The following FBLN1 variants were observed in gnomAD, a reference collection of about 807,000 sequenced individuals.
FBLN1 encodes fibulin 1.
Under a neutral mutation model 89.7 loss-of-function variants are expected in FBLN1, and 34 were observed. The observed-to-expected ratio is 0.38, with a 90% confidence interval of 0.29 to 0.50. The LOEUF (loss-of-function observed/expected upper bound fraction) is 0.50. FBLN1 is among the 20% of genes least tolerant of loss of function. The pLI, the probability that FBLN1 is intolerant of heterozygous loss-of-function variation, is 0.92. For missense variants in FBLN1, 777 were observed against 988.1 expected (o/e 0.79, Z 2.86); for synonymous variants, 393 against 391.3 (o/e 1.00, Z -0.05).
rs736767 is a variant in FBLN1, at chr22:45,563,979, G to T, written c.1698-10532G>T. On this transcript the variant is annotated intron_variant, in intron 14 of 16. Transcript: ENST00000327858. This position sits in a 1 kb window ranked among gnomAD's most constrained non-coding sequence, Gnocchi z 5.7. ...TGAGGATCCTGGCCCTGTGCCGGGGGGAGGCAAAGGACCACACAATACATG... is the reference window on the plus strand; with the variant it reads ...TGAGGATCCTGGCCCTGTGCCGGGGTGAGGCAAAGGACCACACAATACATG... Among the ~76,000 whole-genome samples the T allele has an allele frequency of 6.6e-6, 1 of 152,106 alleles. No individual in the cohort carries two copies. Among genetic ancestry groups the T allele is most frequent in the Non-Finnish European group, 1.5e-5 (1 of 68,014 alleles).
At chr22:45,594,146 G>GCT (rs5845722) in intron 16 of FBLN1, among the ~76,000 whole-genome samples, 45,418 of 152,012 alleles carry the variant, frequency 0.3, 10,148 homozygotes, top group African/African-American at 0.63. Context: ...CCTGGTGGCA[G>GCT]CTCTCATGTT....
At position 45,549,688 on chromosome 22, in the gene FBLN1, G is replaced by A. The variant is rs3788650; in HGVS notation, c.1574-804G>A. ...GCTGGGGAGTGTTGTTTTTGCCACC[G>A]ATGCTCAGGCATTTGGCACCTCTTA... On this transcript the variant is annotated intron_variant, in intron 13 of 16. Coordinates refer to ENST00000327858, the MANE Select transcript of FBLN1 (RefSeq NM_006486.3). This position sits in a 1 kb window ranked among gnomAD's most constrained non-coding sequence, Gnocchi z 5.7. Among the ~76,000 whole-genome samples, 8,698 of 152,182 alleles carry A rather than the reference G, an allele frequency of 0.057. 362 individuals are homozygous for A. Among genetic ancestry groups the A allele is most frequent in the East Asian group, 0.16 (804 of 5,162 alleles).
chr22:45,547,210 G>A lies in FBLN1; in HGVS notation c.1441+6G>A. On this transcript the variant is annotated splice_donor_region_variant and intron_variant, in intron 12 of 16. Transcript: ENST00000327858. The stretch of plus-strand genomic sequence containing the variant: ...GGATGGAGTCACCTGTGAAGGTGCG[G>A]ACGCCCCTGCCTGCTGAGGGGGAAA... The A allele has an allele frequency of 6.2e-7, 1 of 1,613,580 alleles. No individual in the cohort carries two copies. Among genetic ancestry groups the A allele is most frequent in the Non-Finnish European group, 8.5e-7 (1 of 1,179,978 alleles).
At chr22:45,521,184 A>C (rs772540693) in intron 2 of FBLN1, among the ~76,000 whole-genome samples, 7 of 152,218 alleles carry the variant, frequency 4.6e-5, no homozygotes, top group Non-Finnish European at 7.3e-5. Context: ...TAGAAATTTC[A>C]GACATACATT....
rs759003656 is a variant in FBLN1, at chr22:45,580,001, G to A, written c.1972+2893G>A. On this transcript the variant is annotated intron_variant, in intron 16 of 16. Coordinates refer to ENST00000327858, the MANE Select transcript of FBLN1 (RefSeq NM_006486.3). This position sits in a 1 kb window ranked among gnomAD's most constrained non-coding sequence, Gnocchi z 8.6. ...GTTGAACCCTTGCCGGCTCCTTACC[G>A]TTGCTGGGCACCTTCACCCCCGCAT... 6.6e-6 allele frequency among the ~76,000 whole-genome samples: 1 copy of A among 151,992 alleles called. No individual in the cohort carries two copies. The highest frequency in any genetic ancestry group is 1.5e-5 in the Non-Finnish European group (1 of 68,008).
chr22:45,531,281 T>G lies in FBLN1; in HGVS notation c.501T>G (p.Val167=). The G allele has an allele frequency of 6.2e-7, 1 of 1,614,012 alleles. No individual in the cohort carries two copies. Among genetic ancestry groups the G allele is most frequent in the Non-Finnish European group, 8.5e-7 (1 of 1,179,938 alleles). The change falls in exon 5 of 17, where the codon GTT becomes GTG. Residue 167 remains valine (V), a synonymous_variant. Coordinates refer to ENST00000327858, the MANE Select transcript of FBLN1 (RefSeq NM_006486.3). This position sits in a 1 kb window ranked among gnomAD's most constrained non-coding sequence, Gnocchi z 4.9. ...GLQETDKIIE[V]EEEQEDPYLN... ...CCCCCTTAGATAAGATCATTGAGGT[T>G]GAGGAGGAACAAGAGGACCCATATC...
intron 12 of FBLN1, among the ~76,000 whole-genome samples, chr22:45,548,034 G>GGT (rs1236828995): frequency 1.3e-5 from 2 of 152,102 alleles, no homozygotes; most frequent in African/African-American, 2.4e-5. Context: ...TTTCATGTAA[G>GGT]GTGTGTGTGT....
chr22:45,544,545 ATTTGCAAGTTT>A (rs2088601891), intron 11 of FBLN1, among the ~76,000 whole-genome samples: 3 of 152,206 alleles, frequency 2.0e-5, no homozygotes, highest in African/African-American at 7.2e-5. Flanking sequence ...AACCGTTTAC[ATTTGCAAGTTT>A]TTCTAAAGTA....
chr22:45,576,862 T>C lies in FBLN1; in HGVS notation c.1841-115T>C. 7.7e-7 allele frequency: 1 copy of C among 1,300,424 alleles called. No homozygotes were observed. The highest frequency in any genetic ancestry group is 1.1e-6 in the Non-Finnish European group (1 of 922,218). 80.6% of individuals were successfully genotyped at this position (1,300,424 alleles called of 1,614,324 possible). A position where few individuals can be genotyped will look rare whatever the true frequency, so the allele number is the denominator to read the frequency against. On this transcript the variant is annotated intron_variant, in intron 15 of 16. Transcript: ENST00000327858. The surrounding 1 kb of genome is among the most constrained non-coding windows in gnomAD (Gnocchi z 5.2). ...CTCTGGCTTCATTGATGTTGTCTCATGAAAGGGCCCTGGGTTAGGTCTTCA... is the reference window on the plus strand; with the variant it reads ...CTCTGGCTTCATTGATGTTGTCTCACGAAAGGGCCCTGGGTTAGGTCTTCA...
intron 12 of FBLN1, among the ~76,000 whole-genome samples, chr22:45,548,261 G>C (rs1051478308): frequency 2.0e-5 from 3 of 152,140 alleles, no homozygotes; most frequent in Admixed American, 2.0e-4. Flanking sequence ...TTGTTGCCGA[G>C]GCTGGTCTCG....
intron 2 of FBLN1, 85 bp downstream of exon 2, chr22:45,518,872 C>T (rs1243465828): frequency 8.1e-7 from 1 of 1,239,102 alleles, no homozygotes; most frequent in East Asian, 2.5e-5. Context: ...TGTGCCAGAC[C>T]TCTCGGGAGA....
chr22:45,564,871 A>T, intron 14 of FBLN1: 1 of 1,613,640 alleles, frequency 6.2e-7, no homozygotes. Context: ...CACTGTGCTG[A>T]CACTGTTTCC....
intron 16 of FBLN1, among the ~76,000 whole-genome samples, chr22:45,596,652 CATA>C (rs1212594160): frequency 6.8e-6 from 1 of 146,774 alleles, no homozygotes; most frequent in Non-Finnish European, 1.5e-5. Context: ...CATATATCAA[CATA>C]ATATAATTAT....
In FBLN1 at chr22:45,600,430, C is replaced by G; in HGVS notation, c.2096C>G (p.Ser699Cys). Residue 699 changes from serine to cysteine, a missense_variant, in exon 17 of 17, where the codon TCT (serine) becomes TGT (cysteine). Coordinates refer to ENST00000327858, the MANE Select transcript of FBLN1 (RefSeq NM_006486.3). ...GTTGTCAACGTCCACATCTTCGTCTCTGAGTACTGGTTCTGAGGGCTGGTC... is the reference window on the plus strand; with the variant it reads ...GTTGTCAACGTCCACATCTTCGTCTGTGAGTACTGGTTCTGAGGGCTGGTC... ...RNVVNVHIFV[S>C]EYWF 1 of 1,614,198 alleles carries G rather than the reference C, an allele frequency of 6.2e-7. No individual in the cohort carries two copies. Among genetic ancestry groups the G allele is most frequent in the Non-Finnish European group, 8.5e-7 (1 of 1,180,052 alleles).
chr22:45,518,584 A>G (rs1602167681), intron 1 of FBLN1, 98 bp from the exon 2 acceptor site: 7 of 894,962 alleles, frequency 7.8e-6, no homozygotes, highest in Non-Finnish European at 1.1e-5. Context: ...TGCTGTCGTC[A>G]AGACAGAAGG....
At position 45,532,380 on chromosome 22, in the gene FBLN1, T is replaced by C. The variant is rs2088419986; in HGVS notation, c.545-683T>C. Among the ~76,000 whole-genome samples the C allele has an allele frequency of 6.6e-6, 1 of 151,944 alleles. No homozygotes were observed. Among genetic ancestry groups the C allele is most frequent in the South Asian group, 2.1e-4 (1 of 4,806 alleles). ...AGGGCACGGACCCACTGTAGCAGGG[T>C]ACTGGGAGGCAGTGGGCTGGGGAAG... On this transcript the variant is annotated intron_variant, in intron 5 of 16. Transcript: ENST00000327858. The surrounding 1 kb of genome is among the most constrained non-coding windows in gnomAD (Gnocchi z 4.2).
At chr22:45,554,481 A>G (rs555840356) in intron 14 of FBLN1, among the ~76,000 whole-genome samples, 13 of 152,320 alleles carry the variant, frequency 8.5e-5, no homozygotes, top group South Asian at 8.3e-4. Context: ...CCTGACTCCC[A>G]GGCCAGTCCT....
At chr22:45,509,574 G>A (rs1412925788) in intron 1 of FBLN1, among the ~76,000 whole-genome samples, 2 of 152,306 alleles carry the variant, frequency 1.3e-5, no homozygotes, top group East Asian at 1.9e-4. Flanking sequence ...AACTGTAAGG[G>A]ATGCAGGGAC....
intron 1 of FBLN1, among the ~76,000 whole-genome samples, chr22:45,517,063 T>A (rs1602165746): frequency 6.6e-6 from 1 of 152,138 alleles, no homozygotes; most frequent in South Asian, 2.1e-4. Flanking sequence ...ACTGATAGGG[T>A]GGTTTAGCAA....
Sources: gnomAD v4.1 joint callset for allele counts (sites outside exome capture counted in the v4.1 genomes callset) on GRCh38, gnomAD v4.1.1 for gene constraint, Gnocchi (gnomAD v3.1) non-coding constraint, MANE v1.5 for transcripts, NCBI Gene and HGNC (gene_info 2026-07-23, HGNC 2026-07-21) for gene names.